SYF2: variants seen among roughly 807,000 people sequenced by gnomAD.
The protein encoded by SYF2 is pre-mRNA-splicing factor SYF2.
In SYF2, 21 loss-of-function variants were observed where a neutral mutation model predicts 32.7. That is an observed-to-expected ratio of 0.64 (90% CI 0.45 to 0.92). The LOEUF (loss-of-function observed/expected upper bound fraction) is 0.92, where lower values mean the gene tolerates loss of function less well. Among genes scored for constraint, SYF2 ranks in the 40% least tolerant of loss-of-function variants. SYF2 has a pLI of 0.00. For missense variants in SYF2, 278 were observed against 296.5 expected, an observed-to-expected ratio of 0.94 and a Z score of 0.46; for synonymous variants, 114 against 103.9, an observed-to-expected ratio of 1.10 and a Z score of -0.59.
At chr1:25,227,058 G>A (rs1036415653) in intron 5 of SYF2, among the ~76,000 whole-genome samples, 2 of 151,776 alleles carry the variant, frequency 1.3e-5, no homozygotes, top group South Asian at 2.1e-4. Context: ...TGAGGTGGAC[G>A]GATCACTTGA....
intron 5 of SYF2, among the ~76,000 whole-genome samples, chr1:25,227,005 G>A (rs915866645): frequency 5.9e-5 from 9 of 151,792 alleles, no homozygotes; most frequent in South Asian, 2.1e-4. Flanking sequence ...AGGAAGGGCC[G>A]GGCGCAGTAG....
At chr1:25,229,680 C>A (rs903846015) in intron 2 of SYF2, among the ~76,000 whole-genome samples, 3 of 151,270 alleles carry the variant, frequency 2.0e-5, no homozygotes, top group African/African-American at 4.9e-5. Context: ...GAGGCTGAGG[C>A]AGGAGATTCA....
In SYF2 at chr1:25,225,093, C is replaced by G. The variant is rs1284875235; in HGVS notation, c.475G>C (p.Glu159Gln). 1.2e-6 allele frequency: 2 copies of G among 1,613,128 alleles called. No individual in the cohort carries two copies. Among genetic ancestry groups the G allele is most frequent in the Non-Finnish European group, 1.7e-6 (2 of 1,179,270 alleles). The change falls in exon 6 of 7, where the codon GAG (glutamate) becomes CAG (glutamine). Residue 159 changes from glutamate to glutamine, a missense_variant. Coordinates refer to ENST00000236273, the MANE Select transcript of SYF2 (RefSeq NM_015484.5). Reference protein sequence around the residue: ...YERLREKHGEEFFPTSNSLLH... With the variant: ...YERLREKHGEQFFPTSNSLLH... Reference sequence around the variant, plus strand: ...AGACTATTGGATGTTGGGAAAAACTCTTCTCCACTGAAAAGGCAGCAAAAT... The same window carrying G: ...AGACTATTGGATGTTGGGAAAAACTGTTCTCCACTGAAAAGGCAGCAAAAT...
intron 2 of SYF2, chr1:25,231,536 T>C (rs1452693627): frequency 6.4e-6 from 1 of 156,292 alleles, no homozygotes; most frequent in Non-Finnish European, 1.4e-5. Flanking sequence ...TCCTCTCTCC[T>C]CCTCTGCACC....
chr1:25,232,436 GA>G lies in SYF2; in HGVS notation c.24+7del. On this transcript the variant is annotated splice_region_variant and intron_variant, in intron 1 of 6. Transcript: ENST00000236273. The stretch of plus-strand genomic sequence containing the variant: ...CAAAACCCCCGGTGTACGGTGGGTG[GA>G]ACTCACCTCGGATGCAGCTATAGCC... The G allele has an allele frequency of 6.2e-7, 1 of 1,614,146 alleles. No individual in the cohort carries two copies. The highest frequency in any genetic ancestry group is 8.5e-7 in the Non-Finnish European group (1 of 1,180,030).
intron 5 of SYF2, among the ~76,000 whole-genome samples, chr1:25,226,077 G>T (rs1034127937): frequency 8.5e-5 from 13 of 152,062 alleles, no homozygotes; most frequent in Non-Finnish European, 1.9e-4. Flanking sequence ...GAACCCAGGA[G>T]GCGGAGGCTG....
At chr1:25,226,938 G>A (rs1557469899) in intron 5 of SYF2, among the ~76,000 whole-genome samples, 1 of 151,658 alleles carries the variant, frequency 6.6e-6, no homozygotes, top group Non-Finnish European at 1.5e-5. Flanking sequence ...TTATGACAGT[G>A]TCAATGCACT....
intron 5 of SYF2, among the ~76,000 whole-genome samples, chr1:25,226,101 T>C (rs188958905): frequency 0.012 from 1,782 of 151,938 alleles, 21 homozygotes; most frequent in Non-Finnish European, 0.019. Flanking sequence ...TGAGTCAAGA[T>C]TGCACCACTG....
chr1:25,224,199 A>AG (rs1274168366), intron 6 of SYF2, among the ~76,000 whole-genome samples: 1 of 152,178 alleles, frequency 6.6e-6, no homozygotes, highest in Non-Finnish European at 1.5e-5. Context: ...GTCTCAAAAA[A>AG]AAAAAATTAT....
rs1461786014 is a variant in SYF2, at chr1:25,225,031, A to G, written c.537T>C (p.Ile179=). Residue 179 remains isoleucine (I), a synonymous_variant, in exon 6 of 7, where the codon ATT becomes ATC. Transcript: ENST00000236273. The part of the protein sequence containing the change: ...HGTHVPSTEE[I]DRMVIDLEKQ... ...TTTCCAGATCTATGACCATCCTGTC[A>G]ATTTCCTCTGTGGAAGGCACATGTG... 1.9e-6 allele frequency: 3 copies of G among 1,614,038 alleles called. No individual in the cohort carries two copies. The highest frequency in any genetic ancestry group is 2.5e-6 in the Non-Finnish European group (3 of 1,179,912).
Position 25,228,618 on chromosome 1 carries a change from G to A in SYF2, c.258+380C>T, listed in dbSNP as rs1416585588. ...CCAAAAGTGCTGGGATTACAGGCATGAGCCACTGCACCCGGCCACTTTAAT... is the reference window on the plus strand; with the variant it reads ...CCAAAAGTGCTGGGATTACAGGCATAAGCCACTGCACCCGGCCACTTTAAT... On this transcript the variant is annotated intron_variant, in intron 3 of 6. Transcript: ENST00000236273. Among the ~76,000 whole-genome samples the A allele has an allele frequency of 2.6e-5, 4 of 152,182 alleles. No homozygotes were observed. The East Asian group carries it at 5.8e-4, about 22-fold the overall frequency.
At position 25,231,825 on chromosome 1, in the gene SYF2, A is replaced by T. The variant is rs970917735; in HGVS notation, c.132+279T>A. 42 of 528,064 alleles carry T rather than the reference A, an allele frequency of 8.0e-5. 2 individuals are homozygous for T. The South Asian group carries it at 8.9e-4, about 11-fold the overall frequency. The allele number at this position is 528,064 out of a possible 1,614,324, so 32.7% of individuals were successfully genotyped here. A position where few individuals can be genotyped will look rare whatever the true frequency, so the allele number is the denominator to read the frequency against. On this transcript the variant is annotated intron_variant, in intron 2 of 6. Coordinates refer to ENST00000236273, the MANE Select transcript of SYF2 (RefSeq NM_015484.5). ...GAAGAATTTGTTGGAATCACGGAGC[A>T]GGGAGGTTGTTAGTAATGGAGACTC...
intron 2 of SYF2, among the ~76,000 whole-genome samples, chr1:25,229,463 G>A (rs1638583781): frequency 6.6e-6 from 1 of 152,066 alleles, no homozygotes; most frequent in Admixed American, 6.6e-5. Flanking sequence ...TGGCACTTAA[G>A]TAGACTTTAT....
intron 4 of SYF2, 137 bp downstream of exon 4, chr1:25,227,981 T>G: frequency 1.5e-6 from 1 of 679,288 alleles, no homozygotes. Context: ...AAGAGACATA[T>G]TTGTACTTTT....
Position 25,223,362 on chromosome 1 carries a change from A to G in SYF2, c.636T>C (p.Asn212=), listed in dbSNP as rs766241626. 3.3e-5 allele frequency: 54 copies of G among 1,613,848 alleles called. No individual in the cohort carries two copies. Among genetic ancestry groups the G allele is most frequent in the South Asian group, 6.6e-5 (6 of 91,076 alleles). The change falls in exon 7 of 7, where the codon AAT becomes AAC. Residue 212 remains asparagine, a synonymous_variant. Coordinates refer to ENST00000236273, the MANE Select transcript of SYF2 (RefSeq NM_015484.5). ...TCTTGTTGAATTTGGCATTCCTTTC[A>G]TTAATGTAGTCGATATCTGCATCAT... is the stretch of plus-strand genomic sequence containing the variant. The part of the protein sequence containing the change: ...YNDDADIDYI[N]ERNAKFNKKA...
intron 5 of SYF2, 54 bp downstream of exon 5, chr1:25,227,388 C>T (rs1221531557): frequency 6.1e-5 from 53 of 875,498 alleles, no homozygotes; most frequent in East Asian, 2.3e-4. Context: ...TACATGTATA[C>T]ACACACACAC....
intron 5 of SYF2, among the ~76,000 whole-genome samples, chr1:25,227,120 T>C (rs1638527832): frequency 6.6e-6 from 1 of 152,016 alleles, no homozygotes; most frequent in African/African-American, 2.4e-5. Flanking sequence ...CCATCTCAGC[T>C]AAAACTACAA....
chr1:25,227,949 C>CT (rs900386133), intron 4 of SYF2, among the ~76,000 whole-genome samples, 169 bp downstream of exon 4: 77 of 151,220 alleles, frequency 5.1e-4, no homozygotes, highest in African/African-American at 1.6e-3. Flanking sequence ...GAAGTACAGC[C>CT]TTTTTTTTTA....
intron 5 of SYF2, among the ~76,000 whole-genome samples, chr1:25,226,510 C>T (rs1041381347): frequency 6.6e-5 from 10 of 152,204 alleles, no homozygotes; most frequent in African/African-American, 2.2e-4. Flanking sequence ...TGGTCCTTCA[C>T]AGAAAAAGTT....
Sources: gnomAD v4.1 joint callset for allele counts (sites outside exome capture counted in the v4.1 genomes callset) on GRCh38, gnomAD v4.1.1 for gene constraint, MANE v1.5 for transcripts, NCBI Gene and HGNC (gene_info 2026-07-23, HGNC 2026-07-21) for gene names.